Variants in OSBPL10 observed in about 807,000 individuals in gnomAD.
OSBPL10 encodes the protein oxysterol binding protein like 10.
A neutral mutation model predicts 81.7 loss-of-function variants in OSBPL10; 49 were observed. The ratio of observed to expected loss-of-function variants is 0.60; its 90% CI spans 0.48 to 0.76. The LOEUF (loss-of-function observed/expected upper bound fraction) is 0.76. OSBPL10 is among the 30% of genes least tolerant of loss of function. The pLI is 0.00. For synonymous variants in OSBPL10, 419 were observed against 383.6 expected (o/e 1.09, Z -1.08); for missense variants, 923 against 987.8 (o/e 0.93, Z 0.88).
At chr3:31,859,048 C>T (rs1322233065) in intron 3 of OSBPL10, among the ~76,000 whole-genome samples, 2 of 152,152 alleles carry the variant, frequency 1.3e-5, no homozygotes, top group Admixed American at 6.5e-5. Context: ...CATTATTTTG[C>T]CCAATTTACA....
intron 5 of OSBPL10, among the ~76,000 whole-genome samples, chr3:31,736,632 A>C (rs929904385): frequency 3.3e-5 from 5 of 152,192 alleles, no homozygotes; most frequent in African/African-American, 1.2e-4. Context: ...GCTATTTGAA[A>C]ATTCTTTGCT....
chr3:31,812,446 T>C (rs573072490), intron 4 of OSBPL10, among the ~76,000 whole-genome samples: 1 of 152,326 alleles, frequency 6.6e-6, no homozygotes, highest in Admixed American at 6.5e-5. Context: ...TCCATCAATA[T>C]ATTCAAACAA....
At chr3:31,718,496 TAGAGAATTTG>T (rs1241889014) in intron 6 of OSBPL10, among the ~76,000 whole-genome samples, 1 of 152,202 alleles carries the variant, frequency 6.6e-6, no homozygotes, top group Non-Finnish European at 1.5e-5. Flanking sequence ...TCTGTCACTT[TAGAGAATTTG>T]TCAATTTAGA....
chr3:31,763,495 G>A (rs1698117931), intron 4 of OSBPL10, among the ~76,000 whole-genome samples: 1 of 152,108 alleles, frequency 6.6e-6, no homozygotes, highest in Non-Finnish European at 1.5e-5. Flanking sequence ...GGATTTTATG[G>A]AAATTCTTTT....
chr3:31,724,755 T>TA (rs1267426780), intron 6 of OSBPL10, among the ~76,000 whole-genome samples: 4 of 152,162 alleles, frequency 2.6e-5, no homozygotes, highest in Non-Finnish European at 5.9e-5. Context: ...AACAAGTTCT[T>TA]AAAAAATGTG....
intron 3 of OSBPL10, among the ~76,000 whole-genome samples, chr3:31,853,197 C>T (rs1234563372): frequency 2.0e-5 from 3 of 152,146 alleles, no homozygotes; most frequent in Admixed American, 6.5e-5. Context: ...CAGGCATCAG[C>T]AACCTTTTCT....
chr3:32,033,947 G>A (rs993327386), intron 2 of OSBPL10, among the ~76,000 whole-genome samples: 1 of 152,102 alleles, frequency 6.6e-6, no homozygotes, highest in Non-Finnish European at 1.5e-5. Context: ...ATTTATAAAG[G>A]AAGAGGTTTA....
At chr3:31,931,048 A>G (rs1697233904) in intron 1 of OSBPL10, among the ~76,000 whole-genome samples, 2 of 149,848 alleles carry the variant, frequency 1.3e-5, no homozygotes, top group East Asian at 3.9e-4. Flanking sequence ...AAAAGATAGT[A>G]AAAAAGAGTG....
At chr3:31,729,305 T>G (rs1184254052) in intron 6 of OSBPL10, among the ~76,000 whole-genome samples, 1 of 152,136 alleles carries the variant, frequency 6.6e-6, no homozygotes. Context: ...CCAGTCACAG[T>G]GGGTGCAGAA....
upstream of OSBPL10, chr3:31,981,276 G>T: frequency 3.1e-6 from 4 of 1,295,232 alleles, no homozygotes; most frequent in South Asian, 7.3e-5. The surrounding 1 kb of genome is among the most constrained non-coding windows in gnomAD (Gnocchi z 4.5). Context: ...CGGGCCGCGC[G>T]TGCCTGCTCC....
chr3:31,692,180 A>G (rs1869849), intron 7 of OSBPL10, among the ~76,000 whole-genome samples: 32,021 of 152,128 alleles, frequency 0.21, 4,658 homozygotes, highest in East Asian at 0.62. Flanking sequence ...GAAGGAATTC[A>G]GTTGGGAGCA....
intron 6 of OSBPL10, among the ~76,000 whole-genome samples, chr3:31,729,303 A>G (rs546953284): frequency 6.6e-6 from 1 of 151,828 alleles, no homozygotes; most frequent in African/African-American, 2.4e-5. Context: ...AACCAGTCAC[A>G]GTGGGTGCAG....
chr3:31,937,633 C>T (rs1697415049), intron 1 of OSBPL10, among the ~76,000 whole-genome samples: 1 of 152,096 alleles, frequency 6.6e-6, no homozygotes, highest in African/African-American at 2.4e-5. Flanking sequence ...ATATCACACC[C>T]ACAGTCCAAA....
chr3:31,791,953 G>C (rs1005999805), intron 4 of OSBPL10, among the ~76,000 whole-genome samples: 3 of 151,990 alleles, frequency 2.0e-5, no homozygotes, highest in Non-Finnish European at 4.4e-5. Context: ...ATTTTGAAAC[G>C]AGCAAGACAA....
intron 1 of OSBPL10, among the ~76,000 whole-genome samples, chr3:31,881,073 C>G (rs1275572431): frequency 6.6e-6 from 1 of 152,216 alleles, no homozygotes; most frequent in Non-Finnish European, 1.5e-5. Flanking sequence ...TCAAGTTCTC[C>G]TGACCGGGTC....
intron 4 of OSBPL10, among the ~76,000 whole-genome samples, chr3:31,761,922 TG>T (rs1466992275): frequency 1.3e-5 from 2 of 151,252 alleles, no homozygotes; most frequent in East Asian, 3.9e-4. Flanking sequence ...GGGGGTGTGA[TG>T]GTACTCAGCA....
At chr3:31,989,851 T>C (rs770186620) in intron 2 of OSBPL10, 1 of 1,614,020 alleles carries the variant, frequency 6.2e-7, no homozygotes, top group Non-Finnish European at 8.5e-7. Context: ...AGGGAAACAA[T>C]ATAAATGTGA....
intron 1 of OSBPL10, among the ~76,000 whole-genome samples, chr3:31,952,554 A>G (rs1697898837): frequency 6.6e-6 from 1 of 152,196 alleles, no homozygotes; most frequent in Admixed American, 6.5e-5. Context: ...ACCTTCAGGC[A>G]CAGCATGGGG....
At chr3:31,758,303 C>T (rs72859658) in intron 4 of OSBPL10, among the ~76,000 whole-genome samples, 2 of 152,082 alleles carry the variant, frequency 1.3e-5, no homozygotes, top group Non-Finnish European at 2.9e-5. Flanking sequence ...GAGGTCCATC[C>T]CAACTAAGAA....
Sources: allele counts gnomAD v4.1 joint callset (sites outside exome capture counted in the v4.1 genomes callset), GRCh38; gene constraint gnomAD v4.1.1; non-coding constraint Gnocchi (gnomAD v3.1); transcripts MANE v1.5; gene names NCBI Gene and HGNC (gene_info 2026-07-23, HGNC 2026-07-21).